C8orf34: variants seen among roughly 807,000 people sequenced by gnomAD.
The protein encoded by C8orf34 is uncharacterized protein C8orf34.
A neutral mutation model predicts 68.3 loss-of-function variants in C8orf34; 65 were observed. The observed-to-expected ratio is 0.95, with a 90% CI of 0.78 to 1.17. The LOEUF (loss-of-function observed/expected upper bound fraction) is 1.17, where lower values mean the gene tolerates loss of function less well. Ranked by LOEUF, C8orf34 falls within the 50% of genes most tolerant of loss-of-function variation. C8orf34 has a pLI of 0.00. For missense variants in C8orf34, 664 were observed against 655.4 expected (o/e 1.01, Z -0.14); for synonymous variants, 244 against 241.2 (o/e 1.01, Z -0.11).
intron 9 of C8orf34, among the ~76,000 whole-genome samples, chr8:68,715,287 T>C (rs977890059): frequency 2.0e-5 from 3 of 152,096 alleles, no homozygotes; most frequent in African/African-American, 7.2e-5. Flanking sequence ...TTAATTGAAC[T>C]AAAAAGCTTC....
intron 8 of C8orf34, among the ~76,000 whole-genome samples, chr8:68,650,402 T>C (rs1005174003): frequency 1.3e-5 from 2 of 151,652 alleles, no homozygotes; most frequent in Non-Finnish European, 2.9e-5. Context: ...CTGATTTACA[T>C]AGGGCACAAA....
At position 68,345,027 on chromosome 8, in the gene C8orf34, G is replaced by C. The variant is rs182910897; in HGVS notation, c.327+13688G>C. Reference sequence around the variant, plus strand: ...ATAGCACATTAAAGACATCACATGAGAGAGCAAGAGAAATGGAAAACAAAA... The same window carrying C: ...ATAGCACATTAAAGACATCACATGACAGAGCAAGAGAAATGGAAAACAAAA... On this transcript the variant is annotated intron_variant, in intron 1 of 13. Transcript: ENST00000518698. 2.2e-3 allele frequency among the ~76,000 whole-genome samples: 336 copies of C among 152,092 alleles called. 1 individual carries two copies. Among genetic ancestry groups the C allele is most frequent in the Non-Finnish European group, 4.2e-3 (284 of 67,902 alleles).
At chr8:68,488,136 A>G (rs963830980) in intron 5 of C8orf34, 85 bp downstream of exon 5, 129 of 978,874 alleles carry the variant, frequency 1.3e-4, no homozygotes, top group Non-Finnish European at 1.8e-4. Flanking sequence ...ATTTTCTGAA[A>G]CATAAAATGT....
chr8:68,359,158 A>G (rs1442007722), intron 1 of C8orf34, among the ~76,000 whole-genome samples: 1 of 152,220 alleles, frequency 6.6e-6, no homozygotes, highest in Non-Finnish European at 1.5e-5. Flanking sequence ...TATATGCACA[A>G]TATTATTATT....
At chr8:68,529,537 G>A (rs1221278043) in intron 6 of C8orf34, among the ~76,000 whole-genome samples, 1 of 152,162 alleles carries the variant, frequency 6.6e-6, no homozygotes, top group Admixed American at 6.5e-5. Flanking sequence ...CCACTCAGTG[G>A]GAATGCTGAT....
At chr8:68,455,593 T>A (rs1285640132) in intron 3 of C8orf34, among the ~76,000 whole-genome samples, 1 of 152,162 alleles carries the variant, frequency 6.6e-6, no homozygotes, top group Non-Finnish European at 1.5e-5. Context: ...GAATATCTTT[T>A]GATCATTATT....
At chr8:68,761,042 A>G (rs1468344776) in intron 10 of C8orf34, among the ~76,000 whole-genome samples, 2 of 152,260 alleles carry the variant, frequency 1.3e-5, no homozygotes, top group Non-Finnish European at 2.9e-5. Flanking sequence ...TGCCTGGTCT[A>G]TAGCCGGTAC....
intron 8 of C8orf34, among the ~76,000 whole-genome samples, chr8:68,689,861 A>G (rs773999041): frequency 9.9e-5 from 15 of 152,008 alleles, no homozygotes; most frequent in Middle Eastern, 3.2e-3. Context: ...AGTGAGGTTT[A>G]GAGAGGCTAA....
chr8:68,563,972 G>C (rs766517678), intron 7 of C8orf34, among the ~76,000 whole-genome samples: 12 of 152,066 alleles, frequency 7.9e-5, no homozygotes, highest in Non-Finnish European at 1.6e-4. Context: ...AGTATGACTG[G>C]ATAAGACAAA....
At chr8:68,459,972 C>T (rs113115334) in intron 3 of C8orf34, among the ~76,000 whole-genome samples, 18,321 of 152,122 alleles carry the variant, frequency 0.12, 1,278 homozygotes, top group African/African-American at 0.18. Context: ...ATGCGCGAGC[C>T]GAAGCAGGAC....
intron 1 of C8orf34, among the ~76,000 whole-genome samples, chr8:68,408,166 G>T (rs141359548): frequency 3.0e-4 from 46 of 151,940 alleles, no homozygotes; most frequent in Non-Finnish European, 5.1e-4. Context: ...ACCCTATTGT[G>T]AACTGTGCAT....
At chr8:68,616,327 T>G (rs1172063371) in intron 7 of C8orf34, among the ~76,000 whole-genome samples, 3 of 152,228 alleles carry the variant, frequency 2.0e-5, no homozygotes, top group Non-Finnish European at 4.4e-5. Flanking sequence ...TCTTGCCTTC[T>G]GCTAGCTTTT....
At chr8:68,733,265 T>G (rs1480327477) in intron 10 of C8orf34, among the ~76,000 whole-genome samples, 3 of 152,204 alleles carry the variant, frequency 2.0e-5, no homozygotes, top group Non-Finnish European at 4.4e-5. Flanking sequence ...TTAACCAACT[T>G]ATACATGAGA....
At chr8:68,586,062 C>G (rs943952628) in intron 7 of C8orf34, among the ~76,000 whole-genome samples, 8 of 151,962 alleles carry the variant, frequency 5.3e-5, no homozygotes, top group African/African-American at 1.5e-4. Context: ...ATAGTAAGAA[C>G]TGAGGAAGGA....
intron 10 of C8orf34, among the ~76,000 whole-genome samples, chr8:68,760,273 T>C (rs1485281095): frequency 6.6e-6 from 1 of 152,164 alleles, no homozygotes; most frequent in Non-Finnish European, 1.5e-5. Flanking sequence ...CTCCAGTGCC[T>C]AGCTCTGTGA....
intron 11 of C8orf34, among the ~76,000 whole-genome samples, chr8:68,785,085 C>CTGTAATCTCAGCTACTTGGGAGGCTGAG (rs1342901493): frequency 6.6e-6 from 1 of 151,894 alleles, no homozygotes; most frequent in African/African-American, 2.4e-5. Context: ...TTGCTCACAC[C>CTGTAATCTCAGCTACTTGGGAGGCTGAG]TGTAATCTCA....
rs558824521 is a variant in C8orf34 at position 68,746,164 on chromosome 8, A to G, written c.1404+24727A>G. Among the ~76,000 whole-genome samples, 15 of 152,310 alleles carry G rather than the reference A, an allele frequency of 9.8e-5. No individual in the cohort carries two copies. The South Asian group carries it at 3.1e-3, about 32-fold the overall frequency. On this transcript the variant is annotated intron_variant, in intron 10 of 13. Coordinates refer to ENST00000518698, the MANE Select transcript of C8orf34 (RefSeq NM_052958.4). ...GGTACATAACGAAATGAAGGCAGAA[A>G]TAAAGATGTTCTTTGAAACCAATGA...
intron 1 of C8orf34, among the ~76,000 whole-genome samples, chr8:68,420,748 A>C (rs1164244478): frequency 1.3e-5 from 2 of 152,212 alleles, no homozygotes; most frequent in African/African-American, 4.8e-5. Context: ...AAATACATTA[A>C]CAGAAATCAA....
chr8:68,688,487 A>C (rs1820590788), intron 8 of C8orf34, among the ~76,000 whole-genome samples: 1 of 152,140 alleles, frequency 6.6e-6, no homozygotes, highest in African/African-American at 2.4e-5. Context: ...ACCCAAAGGA[A>C]TATAAATCAG....
Sources: gnomAD v4.1 joint callset for allele counts (sites outside exome capture counted in the v4.1 genomes callset) on GRCh38, gnomAD v4.1.1 for gene constraint, MANE v1.5 for transcripts, NCBI Gene and HGNC (gene_info 2026-07-23, HGNC 2026-07-21) for gene names.